The following EPB41L2 variants were observed in gnomAD, a reference collection of about 807,000 sequenced individuals.
EPB41L2 encodes erythrocyte membrane protein band 4.1 like 2.
A neutral mutation model predicts 113.0 loss-of-function variants in EPB41L2; 43 were observed. That is an observed-to-expected ratio of 0.38 (90% CI 0.30 to 0.49). The LOEUF (loss-of-function observed/expected upper bound fraction) is 0.49. Among genes scored for constraint, EPB41L2 ranks in the 20% least tolerant of loss-of-function variants. The probability of loss-of-function intolerance (pLI) is 0.95; values close to 1 mark genes in which losing one functional copy is unlikely to be tolerated. For missense variants in EPB41L2, 1,147 were observed against 1,223.4 expected (o/e 0.94, Z 0.93); for synonymous variants, 442 against 436.7 (o/e 1.01, Z -0.15).
At chr6:130,958,204 C>A (rs1818100840) in intron 1 of EPB41L2, among the ~76,000 whole-genome samples, 1 of 152,096 alleles carries the variant, frequency 6.6e-6, no homozygotes, top group Admixed American at 6.6e-5. Flanking sequence ...GTAATCCCAG[C>A]ACTTTGGGAG....
At chr6:130,981,902 G>C (rs943075015) in intron 1 of EPB41L2, among the ~76,000 whole-genome samples, 3 of 151,946 alleles carry the variant, frequency 2.0e-5, no homozygotes, top group African/African-American at 7.2e-5. Context: ...AATATATAAA[G>C]ATATACATTT....
At chr6:131,061,760 T>C (rs1326253912) in intron 1 of EPB41L2, among the ~76,000 whole-genome samples, 3 of 151,928 alleles carry the variant, frequency 2.0e-5, no homozygotes, top group Non-Finnish European at 2.9e-5. Flanking sequence ...ATGCTAATTC[T>C]CAACAGCGTT....
chr6:130,992,496 C>T (rs1782119805), intron 1 of EPB41L2, among the ~76,000 whole-genome samples: 1 of 152,160 alleles, frequency 6.6e-6, no homozygotes, highest in Non-Finnish European at 1.5e-5. Flanking sequence ...TGGTGTACAG[C>T]TACAAACCAA....
In EPB41L2 at chr6:130,931,239, C is replaced by T. The variant is rs533385917; in HGVS notation, c.706-4530G>A. Among the ~76,000 whole-genome samples the T allele has an allele frequency of 6.9e-4, 105 of 152,194 alleles. 1 individual carries two copies. In the South Asian group the frequency reaches 0.021, roughly 31 times the overall value. On this transcript the variant is annotated intron_variant, in intron 3 of 19. Transcript: ENST00000337057. ...AAAATTAATAAAATTTATTAATCTA[C>T]AATGATTTTATTCTACTAATTTATT...
At chr6:130,984,165 C>G (rs1462617877) in intron 1 of EPB41L2, among the ~76,000 whole-genome samples, 1 of 152,074 alleles carries the variant, frequency 6.6e-6, no homozygotes. Flanking sequence ...TTAGAAGGTC[C>G]GCAGGGGCAA....
intron 1 of EPB41L2, among the ~76,000 whole-genome samples, chr6:131,027,519 T>TA (rs1196137428): frequency 1.3e-5 from 2 of 152,164 alleles, no homozygotes; most frequent in African/African-American, 4.8e-5. Flanking sequence ...AATTATCCAT[T>TA]ACCTCACAAA....
intron 4 of EPB41L2, among the ~76,000 whole-genome samples, chr6:130,911,749 T>G (rs1799476061): frequency 6.6e-6 from 1 of 152,300 alleles, no homozygotes; most frequent in African/African-American, 2.4e-5. Context: ...GATTTTTTTG[T>G]TTATATTTTT....
intron 1 of EPB41L2, chr6:131,000,654 G>C (rs1784152906): frequency 6.6e-6 from 1 of 152,194 alleles, no homozygotes; most frequent in African/African-American, 2.4e-5. Context: ...GTAAACCATA[G>C]ATCTCCTCAG....
chr6:131,033,880 T>C (rs1409615662), intron 1 of EPB41L2, among the ~76,000 whole-genome samples: 2 of 152,214 alleles, frequency 1.3e-5, no homozygotes, highest in Admixed American at 6.5e-5. Flanking sequence ...TTGCACAGCA[T>C]TGTGAACATA....
At chr6:130,959,775 T>C (rs1184505301) in intron 1 of EPB41L2, among the ~76,000 whole-genome samples, 2 of 152,216 alleles carry the variant, frequency 1.3e-5, no homozygotes, top group African/African-American at 2.4e-5. Context: ...TGCTCTCTAA[T>C]TACATTCTGA....
intron 1 of EPB41L2, among the ~76,000 whole-genome samples, chr6:130,967,142 CA>C (rs1775446536): frequency 2.6e-5 from 4 of 152,138 alleles, no homozygotes; most frequent in African/African-American, 9.7e-5. Flanking sequence ...CCCAAATCCA[CA>C]CATACTCAAG....
intron 1 of EPB41L2, among the ~76,000 whole-genome samples, chr6:130,996,923 G>A (rs764162048): frequency 6.6e-6 from 1 of 152,068 alleles, no homozygotes; most frequent in Non-Finnish European, 1.5e-5. Context: ...AAAAATGTAG[G>A]GTTTTCTCCC....
chr6:130,890,324 T>C lies in EPB41L2; in HGVS notation c.1630A>G (p.Ser544Gly), dbSNP rs1232474176. The C allele has an allele frequency of 6.2e-7, 1 of 1,613,426 alleles. No homozygotes were observed. Among genetic ancestry groups the C allele is most frequent in the South Asian group, 1.1e-5 (1 of 90,948 alleles). ...TCTAGACTCCTGGAGACCCGTTTAC[T>C]AGAAGTGCGCTCAAAGTGTGGTGCT... Reference protein sequence around the residue: ...RPAPHFERTSSKRVSRSLDGA... With the variant: ...RPAPHFERTSGKRVSRSLDGA... Residue 544 changes from serine (S) to glycine (G), a missense_variant, in exon 11 of 20, where the codon AGT (serine) becomes GGT (glycine). By Grantham distance (56) the Ser-to-Gly change is moderately conservative. Coordinates refer to ENST00000337057, the MANE Select transcript of EPB41L2 (RefSeq NM_001431.4).
chr6:131,054,240 G>A (rs1797182308), intron 1 of EPB41L2, among the ~76,000 whole-genome samples: 1 of 152,310 alleles, frequency 6.6e-6, no homozygotes, highest in Middle Eastern at 3.4e-3. Context: ...AAGCAGACTT[G>A]TAACGGGGTT....
At chr6:131,013,245 A>AT (rs1222211253) in intron 1 of EPB41L2, among the ~76,000 whole-genome samples, 4 of 151,764 alleles carry the variant, frequency 2.6e-5, no homozygotes, top group African/African-American at 9.7e-5. Flanking sequence ...TAAAGAAAAA[A>AT]AAAAATATAT....
chr6:131,031,454 TG>T (rs1792142672), intron 1 of EPB41L2, among the ~76,000 whole-genome samples: 1 of 152,154 alleles, frequency 6.6e-6, no homozygotes, highest in Non-Finnish European at 1.5e-5. Context: ...AGGAGCATGC[TG>T]AAAGAATACA....
chr6:131,013,401 A>G (rs981124977), intron 1 of EPB41L2, among the ~76,000 whole-genome samples: 3 of 152,144 alleles, frequency 2.0e-5, no homozygotes, highest in African/African-American at 4.8e-5. Flanking sequence ...TTTAAGTATC[A>G]CATTATTTCC....
intron 1 of EPB41L2, among the ~76,000 whole-genome samples, chr6:131,006,216 T>C (rs966213815): frequency 1.3e-5 from 2 of 151,368 alleles, no homozygotes; most frequent in East Asian, 2.0e-4. Context: ...ACCACCACAC[T>C]AGGGTAATTT....
intron 1 of EPB41L2, among the ~76,000 whole-genome samples, chr6:130,976,326 C>T (rs530159721): frequency 3.9e-5 from 6 of 152,280 alleles, no homozygotes; most frequent in Admixed American, 2.0e-4. Context: ...TGACCACATA[C>T]CACAGTTTAA....
Sources: gnomAD v4.1 joint callset for allele counts (sites outside exome capture counted in the v4.1 genomes callset) on GRCh38, gnomAD v4.1.1 for gene constraint, MANE v1.5 for transcripts, NCBI Gene and HGNC (gene_info 2026-07-23, HGNC 2026-07-21) for gene names.